PIMREG: variants seen among roughly 807,000 people sequenced by gnomAD.
The protein encoded by PIMREG is protein PIMREG.
Under a neutral mutation model 24.3 loss-of-function variants are expected in PIMREG, and 19 were observed. The observed-to-expected ratio is 0.78, with a 90% CI of 0.54 to 1.15. PIMREG has a LOEUF of 1.15. PIMREG is among the 50% of genes most tolerant of loss of function. The probability of loss-of-function intolerance (pLI) is 0.00; values close to 1 mark genes in which losing one functional copy is unlikely to be tolerated. For synonymous variants in PIMREG, 112 were observed against 124.1 expected (o/e 0.90, Z 0.65); for missense variants, 283 against 306.8 (o/e 0.92, Z 0.58).
Position 6,445,147 on chromosome 17 carries a change from C to T in PIMREG, c.37C>T (p.Arg13Cys), listed in dbSNP as rs1000834317. ...SRWQNMGTSVRRRSLQHQEQL... is the reference protein window; with the variant it reads ...SRWQNMGTSVCRRSLQHQEQL... ...GTGGCAGAACATGGGGACCTCCGTG[C>T]GCCGGAGATCTCTCCAGCACCAGGA... Residue 13 changes from arginine (R) to cysteine (C), a missense_variant, in exon 2 of 6, where the codon CGC becomes TGC. Arg to Cys is a radical substitution (Grantham distance 180, BLOSUM62 -3). Coordinates refer to ENST00000572447, the MANE Select transcript of PIMREG (RefSeq NM_019013.3). The T allele has an allele frequency of 2.5e-6, 4 of 1,608,364 alleles. No individual in the cohort carries two copies. The highest frequency in any genetic ancestry group is 2.7e-5 in the African/African-American group (2 of 74,668).
intron 4 of PIMREG, 88 bp downstream of exon 4, chr17:6,449,495 C>T: frequency 7.9e-7 from 1 of 1,264,834 alleles, no homozygotes; most frequent in Non-Finnish European, 1.1e-6. Context: ...CTGCTCTGAC[C>T]TGCTGTGTGA....
chr17:6,449,193 G>A (rs1913705228), intron 3 of PIMREG, 119 bp from the exon 4 acceptor site: 5 of 741,566 alleles, frequency 6.7e-6, no homozygotes, highest in Admixed American at 2.8e-5. Context: ...AGGGTCTGGA[G>A]TGAAGCCCAG....
At position 6,445,291 on chromosome 17, in the gene PIMREG, C is replaced by T. The variant is rs140937935; in HGVS notation, c.181C>T (p.Leu61Phe). 2.5e-6 allele frequency: 4 copies of T among 1,613,972 alleles called. No homozygotes were observed. The highest frequency in any genetic ancestry group is 3.4e-6 in the Non-Finnish European group (4 of 1,180,002). The change falls in exon 2 of 6, where the codon CTC (leucine) becomes TTC (phenylalanine). Residue 61 changes from leucine to phenylalanine, a missense_variant. Coordinates refer to ENST00000572447, the MANE Select transcript of PIMREG (RefSeq NM_019013.3). ...GAGGCTGCCCCTGAGAGCCGTCAACCTCAACCTCCGCGCAGGGCCCTCCTG... is the reference window on the plus strand; with the variant it reads ...GAGGCTGCCCCTGAGAGCCGTCAACTTCAACCTCCGCGCAGGGCCCTCCTG... ...QRRLPLRAVN[L>F]NLRAGPSWKR...
At position 6,450,460 on chromosome 17, in the gene PIMREG, C is replaced by G; in HGVS notation, c.*113C>G. The G allele has an allele frequency of 6.6e-7, 1 of 1,514,766 alleles. No individual in the cohort carries two copies. The highest frequency in any genetic ancestry group is 8.9e-7 in the Non-Finnish European group (1 of 1,124,712). The allele number at this position is 1,514,766 out of a possible 1,614,324, so 93.8% of individuals were successfully genotyped here. On this transcript the variant is annotated 3_prime_UTR_variant, in exon 6 of 6. Transcript: ENST00000572447. ...AAACCCCCGGGAGTCGTCAGTACCC[C>G]TGGGCCACTGCTAACAAGCACCTAA...
chr17:6,446,597 C>T (rs1379871126), intron 2 of PIMREG, among the ~76,000 whole-genome samples: 1 of 152,106 alleles, frequency 6.6e-6, no homozygotes, highest in Non-Finnish European at 1.5e-5. Context: ...AGAGCCTTCA[C>T]GGCTGTCACC....
chr17:6,446,117 G>A (rs1354646597), intron 2 of PIMREG: 4 of 399,584 alleles, frequency 1.0e-5, no homozygotes, highest in East Asian at 7.1e-5. Context: ...AGGAGCTGCC[G>A]AGAAGGTCCA....
Position 6,451,430 on chromosome 17 carries a change from G to A in PIMREG, c.*1083G>A, listed in dbSNP as rs1011035640. The A allele has an allele frequency of 2.6e-5, 4 of 152,172 alleles. No individual in the cohort carries two copies. Among genetic ancestry groups the A allele is most frequent in the South Asian group, 2.1e-4 (1 of 4,828 alleles). 9.4% of individuals were successfully genotyped at this position (152,172 alleles called of 1,614,324 possible). On this transcript the variant is annotated 3_prime_UTR_variant, in exon 6 of 6. Transcript: ENST00000572447. ...GCGTTTCTAACGGATTTTGTACAAG[G>A]CAGCCATAAGGAATATAATAAACCT...
At chr17:6,450,293 G>A (rs1913774610) in intron 5 of PIMREG, 69 bp from the exon 6 acceptor site, 1 of 1,392,550 alleles carries the variant, frequency 7.2e-7, no homozygotes, top group African/African-American at 1.4e-5. Flanking sequence ...CCACCCCGCA[G>A]TGAGCAGGGA....
chr17:6,447,902 C>A, intron 3 of PIMREG, 144 bp downstream of exon 3: 1 of 737,146 alleles, frequency 1.4e-6, no homozygotes. Flanking sequence ...GCACCCTGAG[C>A]AGCGTCATAT....
chr17:6,447,723 C>A lies in PIMREG; in HGVS notation c.555C>A (p.Ser185Arg). The change falls in exon 3 of 6, where the codon AGC (serine) becomes AGA (arginine). Residue 185 changes from serine (S) to arginine (R), a missense_variant. Transcript: ENST00000572447. ...RRSRREAAFR[S>R]PYSSTEPLCS... ...CAAGGCGGGAGGCTGCCTTCCGGAG[C>A]CCCTACTCCTCAACAGAGCCCCTCT... 1 of 1,612,794 alleles carries A rather than the reference C, an allele frequency of 6.2e-7. No homozygotes were observed. Among genetic ancestry groups the A allele is most frequent in the Non-Finnish European group, 8.5e-7 (1 of 1,179,178 alleles).
At position 6,449,347 on chromosome 17, in the gene PIMREG, G is replaced by A. The variant is rs748326651; in HGVS notation, c.626G>A (p.Gly209Glu). 1.2e-6 allele frequency: 2 copies of A among 1,613,384 alleles called. No homozygotes were observed. Among genetic ancestry groups the A allele is most frequent in the South Asian group, 1.1e-5 (1 of 90,992 alleles). ...AGTGACCTAGAGCCTGTGGGGGCGG[G>A]AATTCAGCATCTCCAGAAGCTGTCC... ...SDSDLEPVGA[G>E]IQHLQKLSQE... The change falls in exon 4 of 6, where the codon GGA (glycine) becomes GAA (glutamate). Residue 209 changes from glycine to glutamate, a missense_variant. Gly to Glu is a moderately conservative substitution (Grantham distance 98). Coordinates refer to ENST00000572447, the MANE Select transcript of PIMREG (RefSeq NM_019013.3).
Position 6,447,404 on chromosome 17 carries a change from C to G in PIMREG, c.295-59C>G, listed in dbSNP as rs527824669. 9 of 1,563,950 alleles carry G rather than the reference C, an allele frequency of 5.8e-6. No individual in the cohort carries two copies. The East Asian group carries it at 2.0e-4, about 35-fold the overall frequency. ...GTACTGGGATTATAGGCGTGAGCCA[C>G]CGCGCCCGGCCTAACTTTTGGTTTT... On this transcript the variant is annotated intron_variant, in intron 2 of 5. Coordinates refer to ENST00000572447, the MANE Select transcript of PIMREG (RefSeq NM_019013.3).
rs140937935 is a variant in PIMREG, at chr17:6,445,291, C to A, written c.181C>A (p.Leu61Ile). 1.2e-6 allele frequency: 2 copies of A among 1,613,972 alleles called. No individual in the cohort carries two copies. The highest frequency in any genetic ancestry group is 1.7e-6 in the Non-Finnish European group (2 of 1,180,002). Residue 61 changes from leucine to isoleucine, a missense_variant, in exon 2 of 6, where the codon CTC becomes ATC. By Grantham distance (5) the Leu-to-Ile change is conservative. Coordinates refer to ENST00000572447, the MANE Select transcript of PIMREG (RefSeq NM_019013.3). ...GAGGCTGCCCCTGAGAGCCGTCAAC[C>A]TCAACCTCCGCGCAGGGCCCTCCTG... Reference protein sequence around the residue: ...QRRLPLRAVNLNLRAGPSWKR... With the variant: ...QRRLPLRAVNINLRAGPSWKR...
intron 2 of PIMREG, 52 bp from the exon 3 acceptor site, chr17:6,447,411 C>G (rs1486694053): frequency 2.5e-6 from 4 of 1,576,544 alleles, no homozygotes; most frequent in African/African-American, 1.4e-5. Flanking sequence ...CCACCGCGCC[C>G]GGCCTAACTT....
chr17:6,447,431 T>G, intron 2 of PIMREG, 32 bp from the exon 3 acceptor site: 1 of 1,596,746 alleles, frequency 6.3e-7, no homozygotes, highest in Non-Finnish European at 8.6e-7. Flanking sequence ...TTTGGTTTTG[T>G]CTGTGCTAAC....
chr17:6,450,171 A>G, intron 5 of PIMREG, 99 bp downstream of exon 5: 1 of 1,322,722 alleles, frequency 7.6e-7, no homozygotes. Context: ...TGGGCACAGC[A>G]GAGTAGGTAG....
intron 4 of PIMREG, chr17:6,449,767 A>G (rs987926791): frequency 2.1e-6 from 3 of 1,408,376 alleles, no homozygotes; most frequent in East Asian, 5.1e-5. Context: ...CCTGACTGCT[A>G]TGGAGTTCCT....
intron 3 of PIMREG, among the ~76,000 whole-genome samples, chr17:6,448,301 A>AAAG (rs1259419657): frequency 3.4e-5 from 5 of 149,218 alleles, no homozygotes; most frequent in African/African-American, 1.2e-4. Context: ...AAAAAAAAAA[A>AAAG]AGAGAGAGAG....
At position 6,447,450 on chromosome 17, in the gene PIMREG, T is replaced by G; in HGVS notation, c.295-13T>G. 1 of 1,611,258 alleles carries G rather than the reference T, an allele frequency of 6.2e-7. No homozygotes were observed. Among genetic ancestry groups the G allele is most frequent in the South Asian group, 1.1e-5 (1 of 90,882 alleles). ...GTTTTGTCTGTGCTAACCTTTCCAT[T>G]TGCCTGTTCCAGAGAATCCAGGAGT... On this transcript the variant is annotated splice_polypyrimidine_tract_variant and intron_variant, in intron 2 of 5. Transcript: ENST00000572447.
Sources: gnomAD v4.1 joint callset for allele counts (sites outside exome capture counted in the v4.1 genomes callset) on GRCh38, gnomAD v4.1.1 for gene constraint, MANE v1.5 for transcripts, NCBI Gene and HGNC (gene_info 2026-07-23, HGNC 2026-07-21) for gene names.